The following KLHL12 variants were observed in gnomAD, a reference collection of about 807,000 sequenced individuals.
KLHL12 encodes kelch like family member 12, also known as kelch-like protein 12.
In KLHL12, 17 loss-of-function variants were observed where a neutral mutation model predicts 60.8. The ratio of observed to expected loss-of-function variants is 0.28; its 90% CI spans 0.19 to 0.42. The LOEUF is 0.42. KLHL12 is among the 10% of genes least tolerant of loss of function. The pLI is 1.00. For missense variants in KLHL12, 468 were observed against 722.3 expected, an observed-to-expected ratio of 0.65 and a Z score of 4.04; for synonymous variants, 220 against 250.9, an observed-to-expected ratio of 0.88 and a Z score of 1.16.
At position 202,909,570 on chromosome 1, in the gene KLHL12, T is replaced by C. The variant is rs565408561; in HGVS notation, c.718-446A>G. On this transcript the variant is annotated intron_variant, in intron 5 of 11. Transcript: ENST00000367261. This position sits in a 1 kb window ranked among gnomAD's most constrained non-coding sequence, Gnocchi z 4.1. ...ATCTCCCCCAAGGTTCACAGTCCTG[T>C]TGTAATTACCATTGTCTATTTCTGA... 5.3e-5 allele frequency among the ~76,000 whole-genome samples: 8 copies of C among 152,306 alleles called. No individual in the cohort carries two copies. The East Asian group carries it at 1.4e-3, about 26-fold the overall frequency.
Position 202,893,400 on chromosome 1 carries a change from G to A in KLHL12, c.1419C>T (p.Asp473=). 2 of 1,613,674 alleles carry A rather than the reference G, an allele frequency of 1.2e-6. No individual in the cohort carries two copies. The highest frequency in any genetic ancestry group is 2.2e-5 in the East Asian group (1 of 44,864). ...RSGAGVALLN[D]HIYVVGGFDG... ...CAAATCCCCCCACCACATAAATATG[G>A]TCATTCAGCAGGGCTACTCCTGCAC... The change falls in exon 11 of 12, where the codon GAC becomes GAT. Residue 473 remains aspartate (D), a synonymous_variant. Coordinates refer to ENST00000367261, the MANE Select transcript of KLHL12 (RefSeq NM_021633.4). This position sits in a 1 kb window ranked among gnomAD's most constrained non-coding sequence, Gnocchi z 4.1.
At chr1:202,913,765 C>T (rs998711459) in intron 4 of KLHL12, among the ~76,000 whole-genome samples, 2 of 152,074 alleles carry the variant, frequency 1.3e-5, no homozygotes, top group East Asian at 1.9e-4. Context: ...GAGAGTACTC[C>T]GAGGCAGACA....
At chr1:202,920,842 T>C (rs766457945) in intron 2 of KLHL12, among the ~76,000 whole-genome samples, 14 of 152,200 alleles carry the variant, frequency 9.2e-5, no homozygotes, top group South Asian at 2.1e-4. Context: ...AAAATACAGA[T>C]GTATTTACAG....
At position 202,909,214 on chromosome 1, in the gene KLHL12, A is replaced by C. The variant is rs755742112; in HGVS notation, c.718-90T>G. ...AGCACATGCAAATAATTAACTTCTG[A>C]CTACAGAAAACCAGTTTGCAAAGCC... On this transcript the variant is annotated intron_variant, in intron 5 of 11. Transcript: ENST00000367261. This position sits in a 1 kb window ranked among gnomAD's most constrained non-coding sequence, Gnocchi z 4.1. The C allele has an allele frequency of 2.6e-6, 2 of 779,842 alleles. No homozygotes were observed. Among genetic ancestry groups the C allele is most frequent in the African/African-American group, 3.5e-5 (2 of 56,630 alleles). 48.3% of individuals were successfully genotyped at this position (779,842 alleles called of 1,614,324 possible).
In KLHL12 at chr1:202,904,366, T is replaced by A. The variant is rs899599620; in HGVS notation, c.832+4644A>T. Reference sequence around the variant, plus strand: ...GTTCCTAATTTATCATAATTTTGTATATGATTTTTTTATTTATTCAAATAT... The same window carrying A: ...GTTCCTAATTTATCATAATTTTGTAAATGATTTTTTTATTTATTCAAATAT... On this transcript the variant is annotated intron_variant, in intron 6 of 11. Transcript: ENST00000367261. Among the ~76,000 whole-genome samples the A allele has an allele frequency of 3.9e-5, 4 of 103,886 alleles. No homozygotes were observed. The South Asian group carries it at 1.0e-3, about 27-fold the overall frequency. The allele number at this position is 103,886 out of a possible 152,430, so 68.2% of individuals were successfully genotyped here.
upstream of KLHL12, chr1:202,927,372 A>G (rs919317475): frequency 1.5e-5 from 10 of 681,046 alleles, no homozygotes; most frequent in African/African-American, 1.8e-4. Flanking sequence ...GTACGCTGCT[A>G]GGAAGCCGAA....
At chr1:202,912,397 G>C in intron 4 of KLHL12, 1 of 808,678 alleles carries the variant, frequency 1.2e-6, no homozygotes, top group Non-Finnish European at 2.2e-6. Context: ...AGCCAAAGAA[G>C]TCGAAGTGGT....
intron 6 of KLHL12, among the ~76,000 whole-genome samples, chr1:202,902,224 G>A (rs1035679576): frequency 1.3e-5 from 2 of 152,148 alleles, no homozygotes; most frequent in Non-Finnish European, 2.9e-5. Flanking sequence ...GAGGTCAGGA[G>A]TTCGAGACCA....
intron 6 of KLHL12, among the ~76,000 whole-genome samples, chr1:202,901,964 T>C (rs2102417671): frequency 6.6e-6 from 1 of 152,312 alleles, no homozygotes. Context: ...TTGAAAAGAA[T>C]TGAAAAGTAT....
intron 6 of KLHL12, among the ~76,000 whole-genome samples, chr1:202,902,042 G>A (rs918822626): frequency 4.6e-5 from 7 of 151,812 alleles, no homozygotes; most frequent in Admixed American, 3.9e-4. Flanking sequence ...ATACAGACAG[G>A]TATTATGAAA....
rs1660395538 is a variant in KLHL12, at chr1:202,912,502, T to C, written c.568-1299A>G. ...ATGGTGGCAGTGAGGATGGCGATAA[T>C]GGATTTGGTAATGATGGAAGCAATT... On this transcript the variant is annotated intron_variant, in intron 4 of 11. Transcript: ENST00000367261. The C allele has an allele frequency of 5.9e-5, 57 of 963,408 alleles. 1 individual carries two copies. In the South Asian group the frequency reaches 7.1e-4, roughly 12 times the overall value. 59.7% of individuals were successfully genotyped at this position (963,408 alleles called of 1,614,324 possible).
At chr1:202,911,274 G>A (rs1253733399) in intron 4 of KLHL12, 71 bp from the exon 5 acceptor site, 6 of 1,528,260 alleles carry the variant, frequency 3.9e-6, no homozygotes, top group East Asian at 2.3e-5. Flanking sequence ...ACGTAACCAC[G>A]TTCACTTTTT....
chr1:202,918,917 T>C (rs1223951541), intron 3 of KLHL12, among the ~76,000 whole-genome samples: 1 of 152,174 alleles, frequency 6.6e-6, no homozygotes, highest in East Asian at 1.9e-4. Context: ...GTGTCAATTA[T>C]GTATATATAA....
intron 4 of KLHL12, chr1:202,912,073 AAG>A (rs1174143461): frequency 2.5e-6 from 2 of 794,020 alleles, no homozygotes; most frequent in East Asian, 2.4e-5. Context: ...TGGAGAACCA[AAG>A]AGAGCTGTTT....
intron 1 of KLHL12, among the ~76,000 whole-genome samples, chr1:202,925,828 G>A (rs1285677334): frequency 2.0e-5 from 3 of 152,046 alleles, no homozygotes; most frequent in Non-Finnish European, 2.9e-5. Flanking sequence ...ACTTCAGGCC[G>A]GGCCCAACAG....
intron 4 of KLHL12, chr1:202,911,951 TGA>T: frequency 6.1e-6 from 5 of 817,134 alleles, no homozygotes; most frequent in Non-Finnish European, 8.6e-6. Flanking sequence ...TGTGTGGTAA[TGA>T]GAGACCCAAA....
intron 6 of KLHL12, among the ~76,000 whole-genome samples, chr1:202,898,192 C>G (rs1659901997): frequency 6.6e-6 from 1 of 152,224 alleles, no homozygotes; most frequent in Non-Finnish European, 1.5e-5. Context: ...GAATGAGCCA[C>G]AGCACCTGCC....
At chr1:202,925,483 AAT>A (rs1260604181) in intron 1 of KLHL12, among the ~76,000 whole-genome samples, 2 of 152,206 alleles carry the variant, frequency 1.3e-5, no homozygotes, top group African/African-American at 2.4e-5. Flanking sequence ...AGAGATAAAC[AAT>A]ATATGTCTTG....
intron 2 of KLHL12, 131 bp from the exon 3 acceptor site, chr1:202,920,039 C>T (rs1010945619): frequency 1.7e-5 from 14 of 827,368 alleles, no homozygotes; most frequent in Admixed American, 1.1e-4. Flanking sequence ...ACAGGCCAGG[C>T]GTGGTGGCTC....
Sources: allele counts gnomAD v4.1 joint callset (sites outside exome capture counted in the v4.1 genomes callset), GRCh38; gene constraint gnomAD v4.1.1; non-coding constraint Gnocchi (gnomAD v3.1); transcripts MANE v1.5; gene names NCBI Gene and HGNC (gene_info 2026-07-23, HGNC 2026-07-21).